Variants in TCP11L1 observed in about 807,000 individuals in gnomAD.
TCP11L1 encodes T-complex protein 11-like protein 1.
In TCP11L1, 28 loss-of-function variants were observed where a neutral mutation model predicts 48.9. That is an observed-to-expected ratio of 0.57 (90% confidence interval 0.42 to 0.78). The LOEUF (loss-of-function observed/expected upper bound fraction) is 0.78. TCP11L1 is among the 30% of genes least tolerant of loss of function. The pLI is 0.00. For synonymous variants in TCP11L1, 204 were observed against 231.9 expected (o/e 0.88, Z 1.09); for missense variants, 505 against 613.4 (o/e 0.82, Z 1.87).
At position 33,057,184 on chromosome 11, in the gene TCP11L1, A is replaced by G; in HGVS notation, c.366A>G (p.Glu122=). ...FWDCLSVQLS[E]DPPAYDHAIK... ...ATTGCTTGAGTGTGCAGCTAAGTGAAGATCCCCCAGCATATGACCATGCTA... is the reference window on the plus strand; with the variant it reads ...ATTGCTTGAGTGTGCAGCTAAGTGAGGATCCCCCAGCATATGACCATGCTA... Residue 122 remains glutamate, a synonymous_variant, in exon 4 of 10, where the codon GAA becomes GAG. Transcript: ENST00000334274. 3 of 1,614,122 alleles carry G rather than the reference A, an allele frequency of 1.9e-6. No individual in the cohort carries two copies. The highest frequency in any genetic ancestry group is 2.5e-6 in the Non-Finnish European group (3 of 1,180,016).
At chr11:33,042,761 C>T (rs577822195) in intron 1 of TCP11L1, among the ~76,000 whole-genome samples, 9 of 151,378 alleles carry the variant, frequency 5.9e-5, no homozygotes, top group South Asian at 4.2e-4. Flanking sequence ...GGTGAAACCC[C>T]GTCTCTACTA....
chr11:33,065,426 G>C (rs764508462), intron 7 of TCP11L1, among the ~76,000 whole-genome samples: 2 of 152,128 alleles, frequency 1.3e-5, no homozygotes, highest in Non-Finnish European at 2.9e-5. Context: ...ACCACACCCG[G>C]CTAGTTTTGT....
chr11:33,068,572 C>T, intron 8 of TCP11L1, 115 bp from the exon 9 acceptor site: 3 of 1,319,078 alleles, frequency 2.3e-6, no homozygotes, highest in Non-Finnish European at 3.2e-6. Context: ...TCAAATTGTC[C>T]CTTGAACACA....
intron 2 of TCP11L1, among the ~76,000 whole-genome samples, chr11:33,051,404 T>G: frequency 6.6e-6 from 1 of 151,834 alleles, no homozygotes; most frequent in African/African-American, 2.4e-5. Context: ...CCCGACCTTG[T>G]GGTCCGCTCG....
In TCP11L1 at chr11:33,066,091, T is replaced by C. The variant is rs1305852675; in HGVS notation, c.1154+80T>C. ...GGAGTCTCCCAGAGGGGTCTCCCACTGTAAGGCAGAGCCCAGGGCCACTCT... is the reference window on the plus strand; with the variant it reads ...GGAGTCTCCCAGAGGGGTCTCCCACCGTAAGGCAGAGCCCAGGGCCACTCT... On this transcript the variant is annotated intron_variant, in intron 8 of 9. Transcript: ENST00000334274. The C allele has an allele frequency of 1.9e-6, 3 of 1,549,062 alleles. No individual in the cohort carries two copies. The African/African-American group carries it at 4.1e-5, about 21-fold the overall frequency.
In TCP11L1 at chr11:33,068,734, GC is replaced by G; in HGVS notation, c.1204del (p.Leu402TrpfsTer3). 1 of 1,614,154 alleles carries G rather than the reference GC, an allele frequency of 6.2e-7. No homozygotes were observed. The highest frequency in any genetic ancestry group is 8.5e-7 in the Non-Finnish European group (1 of 1,180,032). On this transcript the variant is annotated frameshift_variant, in exon 9 of 10. Coordinates refer to ENST00000334274, the MANE Select transcript of TCP11L1 (RefSeq NM_018393.4). LOFTEE classifies it high-confidence loss of function. ...CTCACTACCATCGGGGAGAAGGTGT[GC>G]CTGGAGGTGAGCAGCTGCCTCTCCC... Reference protein sequence around the residue: ...DVLTTIGEKVCLEVSSCLSLC... With the variant: ...DVLTTIGEKVXLEVSSCLSLC...
At chr11:33,065,496 C>T (rs1421833568) in intron 7 of TCP11L1, among the ~76,000 whole-genome samples, 1 of 152,150 alleles carries the variant, frequency 6.6e-6, no homozygotes, top group African/African-American at 2.4e-5. Context: ...CTCCTGACCT[C>T]AGGTGATCTG....
At position 33,043,883 on chromosome 11, in the gene TCP11L1, A is replaced by G; in HGVS notation, c.110A>G (p.Gln37Arg). The change falls in exon 2 of 10, where the codon CAA (glutamine) becomes CGA (arginine). Residue 37 changes from glutamine (Q) to arginine (R), a missense_variant. This residue lies in a region of TCP11L1 where 168 missense variants were observed against 183.5 expected (regional missense o/e 0.92). Coordinates refer to ENST00000334274, the MANE Select transcript of TCP11L1 (RefSeq NM_018393.4). The part of the protein sequence containing the change: ...DAVEGADEAL[Q>R]KAIKSDSSSP... ...GTGGAAGGTGCTGATGAAGCCTTAC[A>G]AAAAGCAATAAAGTCAGACTCCTCC... is the stretch of plus-strand genomic sequence containing the variant. 6.2e-7 allele frequency: 1 copy of G among 1,613,894 alleles called. No homozygotes were observed. Among genetic ancestry groups the G allele is most frequent in the Non-Finnish European group, 8.5e-7 (1 of 1,179,896 alleles).
chr11:33,047,462 A>G (rs1488163620), intron 2 of TCP11L1, among the ~76,000 whole-genome samples: 3 of 152,206 alleles, frequency 2.0e-5, no homozygotes, highest in African/African-American at 7.2e-5. Flanking sequence ...ACGTTTAATC[A>G]CCTAGTTGAC....
intron 8 of TCP11L1, 29 bp from the exon 9 acceptor site, chr11:33,068,658 T>C (rs202043352): frequency 1.1e-5 from 18 of 1,608,856 alleles, no homozygotes; most frequent in African/African-American, 1.3e-5. Context: ...ATTTTACTTA[T>C]AGGCCCTTTC....
chr11:33,058,633 CTT>C (rs1474544852), intron 5 of TCP11L1, among the ~76,000 whole-genome samples: 7 of 151,364 alleles, frequency 4.6e-5, no homozygotes, highest in African/African-American at 9.8e-5. Flanking sequence ...CATAATCACT[CTT>C]ATCATTTTGA....
chr11:33,047,066 T>C (rs1236917159), intron 2 of TCP11L1, among the ~76,000 whole-genome samples: 1 of 151,788 alleles, frequency 6.6e-6, no homozygotes, highest in Non-Finnish European at 1.5e-5. Context: ...CTACTAAAAA[T>C]ACAAAAATTA....
At chr11:33,070,556 A>T (rs764310908) in intron 9 of TCP11L1, among the ~76,000 whole-genome samples, 17 of 151,184 alleles carry the variant, frequency 1.1e-4, no homozygotes, top group Non-Finnish European at 2.5e-4. Flanking sequence ...ATGGTGGTGC[A>T]TGCCTGTGAT....
intron 7 of TCP11L1, among the ~76,000 whole-genome samples, chr11:33,064,316 C>T (rs532615207): frequency 1.3e-5 from 2 of 152,284 alleles, no homozygotes; most frequent in South Asian, 2.1e-4. Context: ...ACGATGAGTC[C>T]TTGGGATTGT....
chr11:33,068,990 C>T, intron 9 of TCP11L1, 131 bp downstream of exon 9: 6 of 1,196,564 alleles, frequency 5.0e-6, no homozygotes, highest in Non-Finnish European at 5.7e-6. Flanking sequence ...AATGAAGCAC[C>T]ACAGAGAGAC....
At chr11:33,047,976 A>G (rs1854048579) in intron 2 of TCP11L1, among the ~76,000 whole-genome samples, 1 of 152,208 alleles carries the variant, frequency 6.6e-6, no homozygotes, top group Non-Finnish European at 1.5e-5. Flanking sequence ...GTAAAGATAG[A>G]GAGTACAACC....
chr11:33,063,722 T>C (rs899808133), intron 7 of TCP11L1, among the ~76,000 whole-genome samples: 3 of 152,378 alleles, frequency 2.0e-5, no homozygotes, highest in Middle Eastern at 3.4e-3. Context: ...GTACGTGAGC[T>C]TCTTATCACT....
chr11:33,061,519 G>C lies in TCP11L1; in HGVS notation c.776-11G>C, dbSNP rs369198969. 7.5e-6 allele frequency: 12 copies of C among 1,591,144 alleles called. No homozygotes were observed. Among genetic ancestry groups the C allele is most frequent in the Non-Finnish European group, 1.0e-5 (12 of 1,167,594 alleles). ...GTGTCAAGGTAATGTGTGCAGCTTT[G>C]TTTTTCACAGATTCCCTGGACTTTG... On this transcript the variant is annotated splice_polypyrimidine_tract_variant and intron_variant, in intron 6 of 9. Transcript: ENST00000334274.
chr11:33,064,951 T>A lies in TCP11L1; in HGVS notation c.973-879T>A, dbSNP rs548919270. ...GACTGCAGGCACCCACCATCGCACC[T>A]GGCCTTCCATTGCTCTGTACAGGGT... is the stretch of plus-strand genomic sequence containing the variant. On this transcript the variant is annotated intron_variant, in intron 7 of 9. Transcript: ENST00000334274. 1.5e-3 allele frequency among the ~76,000 whole-genome samples: 225 copies of A among 152,320 alleles called. 2 individuals are homozygous for A. Among genetic ancestry groups the A allele is most frequent in the African/African-American group, 5.1e-3 (213 of 41,566 alleles).
Sources: gnomAD v4.1 joint callset for allele counts (sites outside exome capture counted in the v4.1 genomes callset) on GRCh38, gnomAD v4.1.1 for gene constraint, gnomAD v4.1.1 regional missense constraint, MANE v1.5 for transcripts, NCBI Gene and HGNC (gene_info 2026-07-23, HGNC 2026-07-21) for gene names.